The following PTPRN2 variants were observed in gnomAD, a reference collection of about 807,000 sequenced individuals.
PTPRN2 encodes the protein receptor-type tyrosine-protein phosphatase N2.
PTPRN2 carries 74 observed loss-of-function variants against 118.8 expected under a neutral mutation model. The ratio of observed to expected loss-of-function variants is 0.62; its 90% CI spans 0.52 to 0.76. The LOEUF (loss-of-function observed/expected upper bound fraction) is 0.76. Among genes scored for constraint, PTPRN2 ranks in the 30% least tolerant of loss-of-function variants. PTPRN2 has a pLI of 0.00. For synonymous variants in PTPRN2, 641 were observed against 608.0 expected (o/e 1.05, Z -0.80); for missense variants, 1,481 against 1,394.4 (o/e 1.06, Z -0.99).
chr7:157,731,162 G>C (rs375150591), intron 12 of PTPRN2, among the ~76,000 whole-genome samples: 3 of 152,016 alleles, frequency 2.0e-5, no homozygotes, highest in East Asian at 1.9e-4. Context: ...TGCTAACCTC[G>C]TCCAGTTGTC....
At chr7:158,399,075 T>C (rs1389547231) in intron 2 of PTPRN2, among the ~76,000 whole-genome samples, 1 of 152,246 alleles carries the variant, frequency 6.6e-6, no homozygotes, top group Non-Finnish European at 1.5e-5. Context: ...CCTGGAGTTA[T>C]ACATGTCTTA....
intron 2 of PTPRN2, among the ~76,000 whole-genome samples, chr7:158,347,471 T>C (rs1314625225): frequency 6.6e-6 from 1 of 152,270 alleles, no homozygotes; most frequent in Non-Finnish European, 1.5e-5. Context: ...TTTTGTTTTG[T>C]TGTTGCCAGT....
chr7:158,391,354 G>A (rs1016957034), intron 2 of PTPRN2, among the ~76,000 whole-genome samples: 1 of 152,126 alleles, frequency 6.6e-6, no homozygotes, highest in Non-Finnish European at 1.5e-5. Flanking sequence ...TGGCCAAGCT[G>A]CACCAGGCCC....
At chr7:158,567,967 T>C (rs780381862) in intron 1 of PTPRN2, among the ~76,000 whole-genome samples, 6 of 152,204 alleles carry the variant, frequency 3.9e-5, no homozygotes, top group Non-Finnish European at 8.8e-5. Context: ...TTAAAAACTC[T>C]TTTGCCCAGG....
intron 3 of PTPRN2, among the ~76,000 whole-genome samples, chr7:158,279,422 G>A (rs868426082): frequency 4.6e-5 from 7 of 152,070 alleles, no homozygotes; most frequent in African/African-American, 1.4e-4. Context: ...ACTGGTACTC[G>A]CTGCAGGACT....
intron 2 of PTPRN2, among the ~76,000 whole-genome samples, chr7:158,388,116 G>A (rs933319705): frequency 2.0e-5 from 3 of 152,106 alleles, no homozygotes; most frequent in Admixed American, 6.5e-5. Context: ...ACCCCAGGAT[G>A]TAGCCACCTC....
rs572267870 is a variant in PTPRN2 at position 157,622,121 on chromosome 7, T to C, written c.2197-612A>G. On this transcript the variant is annotated intron_variant, in intron 14 of 22. Coordinates refer to ENST00000389418, the MANE Select transcript of PTPRN2 (RefSeq NM_002847.5). This position sits in a 1 kb window ranked among gnomAD's most constrained non-coding sequence, Gnocchi z 5.3. ...AAATTCCCTTCCACAAAAACCCCCA[T>C]GCCGCCAGCACAGCCCACTCGGTTC... Among the ~76,000 whole-genome samples the C allele has an allele frequency of 2.0e-5, 3 of 152,078 alleles. No homozygotes were observed. The East Asian group carries it at 5.8e-4, about 30-fold the overall frequency.
chr7:158,109,050 C>A (rs1034560595), intron 10 of PTPRN2, among the ~76,000 whole-genome samples: 1 of 150,770 alleles, frequency 6.6e-6, no homozygotes, highest in African/African-American at 2.5e-5. Context: ...AATGACATCA[C>A]CCCTGTGTGA....
intron 3 of PTPRN2, among the ~76,000 whole-genome samples, chr7:158,309,163 G>T (rs1233844337): frequency 6.6e-6 from 1 of 152,160 alleles, no homozygotes; most frequent in South Asian, 2.1e-4. Context: ...TGATGGGATT[G>T]AAGGATGCAA....
intron 12 of PTPRN2, among the ~76,000 whole-genome samples, chr7:157,769,158 A>C (rs1363461556): frequency 6.6e-6 from 1 of 152,152 alleles, no homozygotes; most frequent in Non-Finnish European, 1.5e-5. Flanking sequence ...GTGTCCACCG[A>C]GGGCAGCGGT....
chr7:157,962,561 T>G (rs1046171063), intron 11 of PTPRN2, among the ~76,000 whole-genome samples: 1 of 152,244 alleles, frequency 6.6e-6, no homozygotes, highest in Non-Finnish European at 1.5e-5. Flanking sequence ...ATGTTAAGAC[T>G]ACAGCTTCCT....
chr7:157,999,200 A>C (rs1217663402), intron 11 of PTPRN2, among the ~76,000 whole-genome samples: 1 of 152,174 alleles, frequency 6.6e-6, no homozygotes, highest in East Asian at 1.9e-4. Flanking sequence ...AAAGAAGAGA[A>C]GGCAGATTTA....
chr7:158,392,979 GAGGCTGAAAACAGCAAGT>G (rs1230924403), intron 2 of PTPRN2, among the ~76,000 whole-genome samples: 3 of 152,198 alleles, frequency 2.0e-5, no homozygotes, highest in Admixed American at 1.3e-4. Flanking sequence ...CCCCTCCAGG[GAGGCTGAAAACAGCAAGT>G]CCACAGAGAG....
chr7:157,891,708 C>T (rs1358882491), intron 12 of PTPRN2, among the ~76,000 whole-genome samples: 1 of 152,150 alleles, frequency 6.6e-6, no homozygotes, highest in Admixed American at 6.5e-5. Context: ...AAGTCTCACC[C>T]AGAAGCCCAG....
chr7:157,872,134 C>T (rs1380252426), intron 12 of PTPRN2, among the ~76,000 whole-genome samples: 1 of 133,996 alleles, frequency 7.5e-6, no homozygotes, highest in Non-Finnish European at 1.6e-5. Context: ...CACCCAGTGT[C>T]CTCCCCACAC....
At chr7:157,749,076 G>C (rs1401348691) in intron 12 of PTPRN2, among the ~76,000 whole-genome samples, 22 of 102,870 alleles carry the variant, frequency 2.1e-4, no homozygotes, top group African/African-American at 9.0e-4. Context: ...GGGCTGTCCG[G>C]GTGATTCTGA....
chr7:157,566,337 T>C (rs1033776500), intron 21 of PTPRN2, among the ~76,000 whole-genome samples: 3 of 152,192 alleles, frequency 2.0e-5, no homozygotes. Flanking sequence ...AAACGCTGGG[T>C]CTGCAGTGGG....
intron 2 of PTPRN2, among the ~76,000 whole-genome samples, chr7:158,407,154 CCT>C (rs879655963): frequency 0.01 from 1,280 of 123,796 alleles, 56 homozygotes; most frequent in South Asian, 0.027. Flanking sequence ...CGTCCTGGGT[CCT>C]GGGTCCTGGG....
At chr7:158,441,060 G>GT (rs1563295617) in intron 2 of PTPRN2, among the ~76,000 whole-genome samples, 24 of 51,072 alleles carry the variant, frequency 4.7e-4, no homozygotes, top group Admixed American at 1.5e-3. Context: ...GGTAGTGATG[G>GT]GGGTGGTAGT....
Sources: gnomAD v4.1 joint callset for allele counts (sites outside exome capture counted in the v4.1 genomes callset) on GRCh38, gnomAD v4.1.1 for gene constraint, Gnocchi (gnomAD v3.1) non-coding constraint, MANE v1.5 for transcripts, NCBI Gene and HGNC (gene_info 2026-07-23, HGNC 2026-07-21) for gene names.